Variants in CNTNAP2 observed in about 807,000 individuals in gnomAD.
CNTNAP2 encodes contactin associated protein 2.
In CNTNAP2, 98 loss-of-function variants were observed where a neutral mutation model predicts 155.2. That is an observed-to-expected ratio of 0.63 (90% CI 0.54 to 0.75). The LOEUF (loss-of-function observed/expected upper bound fraction) is 0.75, where lower values mean the gene tolerates loss of function less well. Ranked by LOEUF, CNTNAP2 falls within the 30% of genes least tolerant of loss-of-function variation. The probability of loss-of-function intolerance (pLI) is 0.00; values close to 1 mark genes in which losing one functional copy is unlikely to be tolerated. For missense variants in CNTNAP2, 1,727 were observed against 1,688.1 expected, an observed-to-expected ratio of 1.02 and a Z score of -0.40; for synonymous variants, 651 against 631.2, an observed-to-expected ratio of 1.03 and a Z score of -0.47.
At chr7:147,836,458 C>A (rs925023115) in intron 13 of CNTNAP2, among the ~76,000 whole-genome samples, 9 of 152,086 alleles carry the variant, frequency 5.9e-5, no homozygotes, top group Non-Finnish European at 1.0e-4. Context: ...ACTCCTCCCC[C>A]ACCATGCACC....
Position 148,002,650 on chromosome 7 carries a change from T to A in CNTNAP2, c.2383+24661T>A, listed in dbSNP as rs186337680. Among the ~76,000 whole-genome samples, 1,099 of 152,274 alleles carry A rather than the reference T, an allele frequency of 7.2e-3. 9 individuals are homozygous for A. Among genetic ancestry groups the A allele is most frequent in the Non-Finnish European group, 9.5e-3 (646 of 68,010 alleles). On this transcript the variant is annotated intron_variant, in intron 15 of 23. Coordinates refer to ENST00000361727, the MANE Select transcript of CNTNAP2 (RefSeq NM_014141.6). ...ACCTTGATTTTTTTGGAGGAAAAAA[T>A]AATGTAAGAAAATACATTATTTTAG... is the stretch of plus-strand genomic sequence containing the variant.
intron 13 of CNTNAP2, among the ~76,000 whole-genome samples, chr7:147,833,750 T>C (rs12531773): frequency 0.045 from 6,776 of 152,006 alleles, 275 homozygotes; most frequent in Admixed American, 0.12. Flanking sequence ...CCCACAGGAG[T>C]TTCTTACTGG....
chr7:146,847,026 A>G (rs1328853776), intron 3 of CNTNAP2, among the ~76,000 whole-genome samples: 1 of 152,108 alleles, frequency 6.6e-6, no homozygotes, highest in Admixed American at 6.5e-5. Flanking sequence ...GTTGAACTCA[A>G]TGCTAATTTT....
Position 147,556,655 on chromosome 7 carries a change from AATC to A in CNTNAP2, c.1778-5482_1778-5480del, listed in dbSNP as rs745870424. ...GCCCAGGAATGTGTGTGGCCTCTAT[AATC>A]TGGAAAAGGCAAGTATATAGATTTC... On this transcript the variant is annotated intron_variant, in intron 11 of 23. Transcript: ENST00000361727. 1.1e-4 allele frequency among the ~76,000 whole-genome samples: 16 copies of A among 152,272 alleles called. No homozygotes were observed. The East Asian group carries it at 1.2e-3, about 11-fold the overall frequency.
chr7:148,143,751 C>G (rs1805120238), intron 16 of CNTNAP2, among the ~76,000 whole-genome samples: 1 of 152,188 alleles, frequency 6.6e-6, no homozygotes, highest in South Asian at 2.1e-4. Flanking sequence ...TCTGTCCTCT[C>G]TGTCCTCTGT....
intron 8 of CNTNAP2, among the ~76,000 whole-genome samples, chr7:147,218,546 G>C (rs1803324654): frequency 6.8e-6 from 1 of 147,186 alleles, no homozygotes; most frequent in African/African-American, 2.5e-5. Flanking sequence ...TGTATTTTAG[G>C]ATCTTCCAGC....
chr7:146,922,163 T>G (rs1796514103), intron 3 of CNTNAP2, among the ~76,000 whole-genome samples: 1 of 152,068 alleles, frequency 6.6e-6, no homozygotes, highest in South Asian at 2.1e-4. Flanking sequence ...CAATTGTCTG[T>G]TTAAACTTAA....
chr7:147,934,006 T>C (rs180698521), intron 14 of CNTNAP2, among the ~76,000 whole-genome samples: 163 of 152,274 alleles, frequency 1.1e-3, no homozygotes, highest in African/African-American at 3.7e-3. Context: ...GTATCAACAA[T>C]AATCAAACTC....
chr7:148,034,183 G>T (rs11764418), intron 15 of CNTNAP2, among the ~76,000 whole-genome samples: 1 of 152,184 alleles, frequency 6.6e-6, no homozygotes, highest in Non-Finnish European at 1.5e-5. Context: ...GTGAACAGAT[G>T]AATTTCAAGT....
rs141512408 is a variant in CNTNAP2, at chr7:146,363,608, C to T, written c.97+246635C>T. Among the ~76,000 whole-genome samples the T allele has an allele frequency of 2.2e-3, 342 of 152,186 alleles. 1 individual carries two copies. Among genetic ancestry groups the T allele is most frequent in the African/African-American group, 8.0e-3 (332 of 41,518 alleles). On this transcript the variant is annotated intron_variant, in intron 1 of 23. Transcript: ENST00000361727. ...GAGGTGGCTGACATAGGGGAGAGTCCTAAGACAAAATCAGAGGTCAATGCT... is the reference window on the plus strand; with the variant it reads ...GAGGTGGCTGACATAGGGGAGAGTCTTAAGACAAAATCAGAGGTCAATGCT...
At chr7:147,568,081 G>A (rs1009147396) in intron 12 of CNTNAP2, among the ~76,000 whole-genome samples, 72 of 152,030 alleles carry the variant, frequency 4.7e-4, no homozygotes, top group Admixed American at 3.3e-3. Context: ...GCGAGACTCC[G>A]TCTCAAAAAA....
intron 8 of CNTNAP2, among the ~76,000 whole-genome samples, chr7:147,298,517 A>G (rs1283606748): frequency 6.6e-6 from 1 of 152,222 alleles, no homozygotes; most frequent in Non-Finnish European, 1.5e-5. Context: ...ATTATGTGTA[A>G]TAATACTTAC....
intron 21 of CNTNAP2, among the ~76,000 whole-genome samples, chr7:148,337,104 A>G (rs904948095): frequency 2.6e-5 from 4 of 152,210 alleles, no homozygotes; most frequent in Non-Finnish European, 5.9e-5. Context: ...GCCCAGGCAC[A>G]GAGCAAGGTG....
chr7:148,131,345 C>G (rs1393909179), intron 16 of CNTNAP2, among the ~76,000 whole-genome samples: 3 of 152,094 alleles, frequency 2.0e-5, no homozygotes, highest in African/African-American at 4.8e-5. Context: ...GATCTGCCTG[C>G]CTTGACCTAC....
At chr7:147,715,653 C>T (rs1377874138) in intron 13 of CNTNAP2, among the ~76,000 whole-genome samples, 1 of 152,012 alleles carries the variant, frequency 6.6e-6, no homozygotes, top group Non-Finnish European at 1.5e-5. Flanking sequence ...TTTGTCTTTT[C>T]ACCCTTAACA....
intron 15 of CNTNAP2, among the ~76,000 whole-genome samples, chr7:148,052,198 A>G (rs2116496250): frequency 6.6e-6 from 1 of 151,976 alleles, no homozygotes. Context: ...CTTGGTAGAT[A>G]TGGCAACATA....
intron 15 of CNTNAP2, among the ~76,000 whole-genome samples, chr7:148,111,468 A>C (rs1464855204): frequency 6.6e-6 from 1 of 152,162 alleles, no homozygotes; most frequent in Non-Finnish European, 1.5e-5. Flanking sequence ...CAGTATTGAA[A>C]ATAAAGCTGA....
At position 148,382,393 on chromosome 7, in the gene CNTNAP2, C is replaced by T. The variant is rs138275860; in HGVS notation, c.3476-1256C>T. ...TAAATTGAGACCCCGCAGACAGATA[C>T]GGCTTTGAAACAATTGATTTTCTGT... On this transcript the variant is annotated intron_variant, in intron 21 of 23. Coordinates refer to ENST00000361727, the MANE Select transcript of CNTNAP2 (RefSeq NM_014141.6). Among the ~76,000 whole-genome samples the T allele has an allele frequency of 4.0e-3, 607 of 152,280 alleles. 8 individuals are homozygous for T. Among genetic ancestry groups the T allele is most frequent in the African/African-American group, 0.013 (551 of 41,556 alleles).
chr7:147,835,809 GAC>G (rs1468600369), intron 13 of CNTNAP2, among the ~76,000 whole-genome samples: 1 of 152,154 alleles, frequency 6.6e-6, no homozygotes, highest in African/African-American at 2.4e-5. Context: ...AGAGAGCTTT[GAC>G]ACACAGAGAA....
Sources: allele counts gnomAD v4.1 joint callset (sites outside exome capture counted in the v4.1 genomes callset), GRCh38; gene constraint gnomAD v4.1.1; transcripts MANE v1.5; gene names NCBI Gene and HGNC (gene_info 2026-07-23, HGNC 2026-07-21).